The following USP37 variants were observed in gnomAD, a reference collection of about 807,000 sequenced individuals.
USP37 encodes the protein ubiquitin specific peptidase 37, also known as ubiquitin carboxyl-terminal hydrolase 37.
A neutral mutation model predicts 124.0 loss-of-function variants in USP37; 27 were observed. The ratio of observed to expected loss-of-function variants is 0.22; its 90% CI spans 0.16 to 0.30. The LOEUF is 0.30. Among genes scored for constraint, USP37 ranks in the 10% least tolerant of loss-of-function variants. The pLI, the probability that USP37 is intolerant of heterozygous loss-of-function variation, is 1.00. For missense variants in USP37, 889 were observed against 1,140.4 expected (o/e 0.78, Z 3.17); for synonymous variants, 365 against 388.0 (o/e 0.94, Z 0.70).
At chr2:218,479,752 T>C in intron 17 of USP37, 37 bp from the exon 18 acceptor site, 1 of 1,235,856 alleles carries the variant, frequency 8.1e-7, no homozygotes, top group Non-Finnish European at 1.1e-6. Flanking sequence ...TGTATACAAA[T>C]GAATTATTAA....
chr2:218,520,675 G>A (rs1359035359), intron 10 of USP37, among the ~76,000 whole-genome samples: 1 of 152,180 alleles, frequency 6.6e-6, no homozygotes, highest in Non-Finnish European at 1.5e-5. Flanking sequence ...TTACAAAAAA[G>A]TGTTATTCCC....
intron 15 of USP37, among the ~76,000 whole-genome samples, chr2:218,486,592 T>G (rs57273011): frequency 0.019 from 2,876 of 152,144 alleles, 95 homozygotes; most frequent in African/African-American, 0.065. Context: ...CTGGCCAACT[T>G]TTGCATTTTT....
chr2:218,549,771 A>AT (rs760810668), intron 6 of USP37, 38 bp downstream of exon 6: 31 of 1,588,452 alleles, frequency 2.0e-5, no homozygotes, highest in African/African-American at 5.4e-5. Flanking sequence ...GCCAACTATC[A>AT]TTTTTTTTAA....
intron 10 of USP37, among the ~76,000 whole-genome samples, chr2:218,529,477 CA>C (rs71403049): frequency 0.082 from 9,233 of 112,546 alleles, 316 homozygotes; most frequent in East Asian, 0.18. Flanking sequence ...TGGTCTCAAA[CA>C]AAAAAAAAAA....
At position 218,453,253 on chromosome 2, in the gene USP37, TTTTG is replaced by T. The variant is rs754570453; in HGVS notation, c.*1673_*1676del. The T allele has an allele frequency of 1.3e-5, 2 of 152,042 alleles. No homozygotes were observed. Among genetic ancestry groups the T allele is most frequent in the East Asian group, 1.9e-4 (1 of 5,172 alleles). 9.4% of individuals were successfully genotyped at this position (152,042 alleles called of 1,614,324 possible). ...CTTCTGTGATGATGGTTTGTGTTTT[TTTTG>T]TTTTTGTTTTCGTTTTTTTTAATGA... On this transcript the variant is annotated 3_prime_UTR_variant, in exon 26 of 26. Transcript: ENST00000258399.
chr2:218,458,891 ACT>A (rs1209059681), intron 23 of USP37, among the ~76,000 whole-genome samples: 1 of 152,088 alleles, frequency 6.6e-6, no homozygotes, highest in African/African-American at 2.4e-5. Context: ...ACACAGTGAG[ACT>A]CTGTCTCTAG....
intron 10 of USP37, among the ~76,000 whole-genome samples, chr2:218,515,611 C>T (rs753194095): frequency 5.3e-5 from 8 of 152,190 alleles, no homozygotes; most frequent in Non-Finnish European, 8.8e-5. Context: ...AAAACCTAGA[C>T]AATACCATTC....
chr2:218,528,886 T>C, intron 10 of USP37: 1 of 389,990 alleles, frequency 2.6e-6, no homozygotes, highest in East Asian at 3.7e-5. Flanking sequence ...ACTAGCCTTT[T>C]CCAATTTATT....
At position 218,453,724 on chromosome 2, in the gene USP37, G is replaced by A. The variant is rs767953161; in HGVS notation, c.*1206C>T. The A allele has an allele frequency of 6.6e-6, 1 of 152,152 alleles. No individual in the cohort carries two copies. The highest frequency in any genetic ancestry group is 1.5e-5 in the Non-Finnish European group (1 of 68,024). 9.4% of individuals were successfully genotyped at this position (152,152 alleles called of 1,614,324 possible). On this transcript the variant is annotated 3_prime_UTR_variant, in exon 26 of 26. Transcript: ENST00000258399. The stretch of plus-strand genomic sequence containing the variant: ...CCTAAAAAGTAGATAAATAAATTAT[G>A]CACCTTTGTTATTTGTTAGTTTTTG...
chr2:218,510,135 T>G lies in USP37; in HGVS notation c.869A>C (p.Asn290Thr), dbSNP rs1689894218. Residue 290 changes from asparagine to threonine, a missense_variant, in exon 11 of 26, where the codon AAT becomes ACT. Transcript: ENST00000258399. ...GGCAGAGGGAGTCTGGCTTGAAACA[T>G]TAGTCCTACAAAAAAGCATAAATAA... is the stretch of plus-strand genomic sequence containing the variant. ...SSGGTNLDRT[N>T]VSSQTPSAKR... The G allele has an allele frequency of 6.2e-7, 1 of 1,605,726 alleles. No individual in the cohort carries two copies. Among genetic ancestry groups the G allele is most frequent in the South Asian group, 1.1e-5 (1 of 88,450 alleles).
chr2:218,542,238 G>A (rs1165645261), intron 8 of USP37, among the ~76,000 whole-genome samples: 1 of 152,066 alleles, frequency 6.6e-6, no homozygotes, highest in Admixed American at 6.6e-5. Flanking sequence ...ATTCATCTAG[G>A]TCAGCTTCTA....
In USP37 at chr2:218,498,129, T is replaced by C; in HGVS notation, c.1054A>G (p.Met352Val). The C allele has an allele frequency of 6.3e-7, 1 of 1,595,514 alleles. No homozygotes were observed. The highest frequency in any genetic ancestry group is 1.1e-5 in the South Asian group (1 of 87,024). The change falls in exon 12 of 26, where the codon ATG becomes GTG. Residue 352 changes from methionine (M) to valine (V), a missense_variant. Transcript: ENST00000258399. Reference sequence around the variant, plus strand: ...AATAGAGATTGTAGAATAGCATTCATATAGCAGGTATTTCCCAAATTGGAG... The same window carrying C: ...AATAGAGATTGTAGAATAGCATTCACATAGCAGGTATTTCCCAAATTGGAG... ...GFSNLGNTCYMNAILQSLFSL... is the reference protein window; with the variant it reads ...GFSNLGNTCYVNAILQSLFSL...
Position 218,551,856 on chromosome 2 carries a change from A to G in USP37, c.328+1697T>C, listed in dbSNP as rs573345851. On this transcript the variant is annotated intron_variant, in intron 5 of 25. Coordinates refer to ENST00000258399, the MANE Select transcript of USP37 (RefSeq NM_020935.3). ...AGCCCAGGCTGGAGTGCAGTGGCGC[A>G]ATCTCGGCTCACTGTAACCTCTGCC... Among the ~76,000 whole-genome samples, 22 of 151,822 alleles carry G rather than the reference A, an allele frequency of 1.4e-4. No individual in the cohort carries two copies. The South Asian group carries it at 4.4e-3, about 30-fold the overall frequency.
intron 1 of USP37, among the ~76,000 whole-genome samples, chr2:218,565,677 GA>G (rs1174448474): frequency 2.0e-5 from 3 of 152,152 alleles, no homozygotes; most frequent in African/African-American, 7.2e-5. Flanking sequence ...AAATTATTGG[GA>G]AATAAAAAAG....
chr2:218,557,930 C>CAAAAAAAAAAAAAAAA (rs61488353), intron 4 of USP37, among the ~76,000 whole-genome samples: 1,785 of 35,584 alleles, frequency 0.05, 328 homozygotes, highest in East Asian at 0.16. Flanking sequence ...GACTCTGTCT[C>CAAAAAAAAAAAAAAAA]AAAAAAAAAA....
intron 5 of USP37, 45 bp from the exon 6 acceptor site, chr2:218,549,954 C>A (rs773922961): frequency 7.2e-7 from 1 of 1,389,136 alleles, no homozygotes; most frequent in South Asian, 1.4e-5. Flanking sequence ...CCAAATCACT[C>A]ACTTTAACAA....
Position 218,486,663 on chromosome 2 carries a change from T to C in USP37, c.1591-920A>G, listed in dbSNP as rs561909771. ...GTATTGAACTCCTGACTTCAGGTGA[T>C]TGGCCTCCCTTGGCCTCACCTTGGG... On this transcript the variant is annotated intron_variant, in intron 15 of 25. Coordinates refer to ENST00000258399, the MANE Select transcript of USP37 (RefSeq NM_020935.3). Among the ~76,000 whole-genome samples, 11 of 94,056 alleles carry C rather than the reference T, an allele frequency of 1.2e-4. No individual in the cohort carries two copies. In the East Asian group the frequency reaches 6.0e-3, roughly 52 times the overall value. The allele number at this position is 94,056 out of a possible 152,430, so 61.7% of individuals were successfully genotyped here. A position where few individuals can be genotyped will look rare whatever the true frequency, so the allele number is the denominator to read the frequency against.
intron 1 of USP37, among the ~76,000 whole-genome samples, chr2:218,564,680 G>C (rs189391311): frequency 8.5e-5 from 13 of 152,246 alleles, no homozygotes; most frequent in African/African-American, 2.6e-4. Flanking sequence ...ACGGGACAGG[G>C]AGGTAACACA....
Position 218,452,090 on chromosome 2 carries a change from T to C in USP37, c.*2840A>G, listed in dbSNP as rs1316280575. On this transcript the variant is annotated 3_prime_UTR_variant, in exon 26 of 26. Transcript: ENST00000258399. ...TCCAACCTTCAGTACTATTAGGTGA[T>C]TAAAATCAACAAATATGAAGTTTAG... The C allele has an allele frequency of 6.6e-6, 1 of 152,578 alleles. No individual in the cohort carries two copies. The highest frequency in any genetic ancestry group is 6.5e-5 in the Admixed American group (1 of 15,278). 9.5% of individuals were successfully genotyped at this position (152,578 alleles called of 1,614,324 possible). A position where few individuals can be genotyped will look rare whatever the true frequency, so the allele number is the denominator to read the frequency against.
Sources: allele counts gnomAD v4.1 joint callset (sites outside exome capture counted in the v4.1 genomes callset), GRCh38; gene constraint gnomAD v4.1.1; transcripts MANE v1.5; gene names NCBI Gene and HGNC (gene_info 2026-07-23, HGNC 2026-07-21).